KIF27: variants seen among roughly 807,000 people sequenced by gnomAD.
KIF27 encodes the protein kinesin family member 27.
Under a neutral mutation model 141.8 loss-of-function variants are expected in KIF27, and 84 were observed. The observed-to-expected ratio is 0.59, with a 90% CI of 0.50 to 0.71. KIF27 has a LOEUF of 0.71. Ranked by LOEUF, KIF27 falls within the 30% of genes least tolerant of loss-of-function variation. The pLI is 0.00. For synonymous variants in KIF27, 471 were observed against 569.5 expected, an observed-to-expected ratio of 0.83 and a Z score of 2.46; for missense variants, 1,306 against 1,628.4, an observed-to-expected ratio of 0.80 and a Z score of 3.41.
intron 4 of KIF27, among the ~76,000 whole-genome samples, chr9:83,901,486 T>C (rs770580613): frequency 3.9e-5 from 6 of 152,240 alleles, no homozygotes; most frequent in African/African-American, 7.2e-5. Context: ...ACAAACTGAA[T>C]ACTGAAGCAG....
chr9:83,850,445 T>C, intron 15 of KIF27, 148 bp from the exon 16 acceptor site: 1 of 636,984 alleles, frequency 1.6e-6, no homozygotes. Context: ...GGCAAATGCT[T>C]TGTAACATAT....
chr9:83,871,705 T>C (rs1266616055), intron 11 of KIF27, among the ~76,000 whole-genome samples: 1 of 151,630 alleles, frequency 6.6e-6, no homozygotes, highest in Non-Finnish European at 1.5e-5. Flanking sequence ...TTTTTTTTTT[T>C]CTAGACAAAG....
chr9:83,905,791 C>T (rs537912075), intron 3 of KIF27, among the ~76,000 whole-genome samples: 1 of 152,272 alleles, frequency 6.6e-6, no homozygotes, highest in Admixed American at 6.5e-5. Flanking sequence ...TGAAGTAGGA[C>T]CCAGAAATCA....
chr9:83,918,817 T>TTTG (rs1955962152), intron 1 of KIF27, among the ~76,000 whole-genome samples: 4 of 152,280 alleles, frequency 2.6e-5, no homozygotes, highest in Admixed American at 2.6e-4. Flanking sequence ...GGCTCAAACC[T>TTTG]GTAATCCCAG....
chr9:83,850,865 TCTCG>T (rs1948498588), intron 15 of KIF27, among the ~76,000 whole-genome samples: 2 of 114,278 alleles, frequency 1.8e-5, no homozygotes, highest in Admixed American at 2.2e-4. Context: ...TTTTGAGGAG[TCTCG>T]CTCTGTCATC....
At chr9:83,910,483 C>T (rs1189251909) in intron 2 of KIF27, among the ~76,000 whole-genome samples, 3 of 152,154 alleles carry the variant, frequency 2.0e-5, no homozygotes, top group Non-Finnish European at 4.4e-5. Context: ...TATTTCTTCA[C>T]GTCACCAAGT....
intron 1 of KIF27, among the ~76,000 whole-genome samples, chr9:83,918,142 G>C (rs1955880276): frequency 6.6e-6 from 1 of 152,054 alleles, no homozygotes; most frequent in Non-Finnish European, 1.5e-5. Flanking sequence ...CAGCATGGTA[G>C]TACGCACCTG....
chr9:83,901,489 T>C (rs1327751642), intron 4 of KIF27, among the ~76,000 whole-genome samples: 1 of 152,248 alleles, frequency 6.6e-6, no homozygotes, highest in African/African-American at 2.4e-5. Context: ...AACTGAATAC[T>C]GAAGCAGATA....
At chr9:83,919,811 C>T (rs1956077859) in intron 1 of KIF27, among the ~76,000 whole-genome samples, 1 of 151,986 alleles carries the variant, frequency 6.6e-6, no homozygotes, top group East Asian at 1.9e-4. Flanking sequence ...GAGAGGATCC[C>T]TCCTGAAAAC....
At chr9:83,876,808 G>T (rs1247950539) in intron 11 of KIF27, among the ~76,000 whole-genome samples, 3 of 152,204 alleles carry the variant, frequency 2.0e-5, no homozygotes, top group African/African-American at 7.2e-5. Flanking sequence ...AAGCATGGTG[G>T]CTCAGGTCTG....
intron 16 of KIF27, among the ~76,000 whole-genome samples, chr9:83,845,182 G>A (rs1453254869): frequency 2.0e-5 from 3 of 152,268 alleles, no homozygotes; most frequent in East Asian, 1.9e-4. Context: ...GCAAGGCCCC[G>A]CCATCTTCTG....
chr9:83,879,028 A>G (rs1951455047), intron 11 of KIF27, among the ~76,000 whole-genome samples: 1 of 150,704 alleles, frequency 6.6e-6, no homozygotes, highest in African/African-American at 2.4e-5. Flanking sequence ...AAAATACAAA[A>G]TTAGCCGGGC....
At chr9:83,872,444 T>C (rs1430069904) in intron 11 of KIF27, among the ~76,000 whole-genome samples, 1 of 152,232 alleles carries the variant, frequency 6.6e-6, no homozygotes, top group Non-Finnish European at 1.5e-5. Context: ...ACAGTTCACA[T>C]ACTCTCTGTT....
In KIF27 at chr9:83,843,633, A is replaced by C. The variant is rs180816415; in HGVS notation, c.3557-1232T>G. Among the ~76,000 whole-genome samples, 61 of 152,336 alleles carry C rather than the reference A, an allele frequency of 4.0e-4. 1 individual carries two copies. In the East Asian group the frequency reaches 9.4e-3, roughly 24 times the overall value. ...CCCATAAAGTATGTCATATTAATCAACTTAATTTTATGTCCGATATTCAGT... is the reference window on the plus strand; with the variant it reads ...CCCATAAAGTATGTCATATTAATCACCTTAATTTTATGTCCGATATTCAGT... On this transcript the variant is annotated intron_variant, in intron 16 of 17. Transcript: ENST00000297814.
intron 11 of KIF27, among the ~76,000 whole-genome samples, chr9:83,878,579 A>C (rs1951420886): frequency 9.6e-6 from 1 of 104,578 alleles, no homozygotes; most frequent in Admixed American, 1.0e-4. Context: ...AATAAAAGGG[A>C]ATGAAGTTCT....
chr9:83,921,246 CCTA>C (rs1442375535), intron 1 of KIF27, 122 bp downstream of exon 1: 2 of 152,140 alleles, frequency 1.3e-5, no homozygotes, highest in Admixed American at 6.5e-5. Flanking sequence ...CAAGCCGGAG[CCTA>C]CTAGTCCCAA....
At chr9:83,858,173 CAG>C (rs1391726402) in intron 14 of KIF27, 7 of 152,082 alleles carry the variant, frequency 4.6e-5, no homozygotes, top group Non-Finnish European at 7.4e-5. Flanking sequence ...AGTTATAAAA[CAG>C]GGCAACAGAG....
intron 13 of KIF27, among the ~76,000 whole-genome samples, chr9:83,860,531 G>C (rs187695039): frequency 5.5e-4 from 84 of 152,094 alleles, no homozygotes; most frequent in Admixed American, 4.3e-3. Context: ...GTTATTCATA[G>C]GTGAACTATC....
intron 3 of KIF27, among the ~76,000 whole-genome samples, chr9:83,906,744 C>CAAAA (rs565683124): frequency 1.4e-4 from 7 of 49,998 alleles, no homozygotes; most frequent in South Asian, 6.8e-4. Flanking sequence ...ACCCTGTCTC[C>CAAAA]AAAAAAAAAA....
Sources: gnomAD v4.1 joint callset for allele counts (sites outside exome capture counted in the v4.1 genomes callset) on GRCh38, gnomAD v4.1.1 for gene constraint, MANE v1.5 for transcripts, NCBI Gene and HGNC (gene_info 2026-07-23, HGNC 2026-07-21) for gene names.